OSBPL6: variants seen among roughly 807,000 people sequenced by gnomAD.
OSBPL6 encodes oxysterol-binding protein-related protein 6.
Under a neutral mutation model 125.8 loss-of-function variants are expected in OSBPL6, and 49 were observed. The observed-to-expected ratio is 0.39, with a 90% CI of 0.31 to 0.49. The LOEUF is 0.49. OSBPL6 is among the 20% of genes least tolerant of loss of function. The pLI is 0.88. For synonymous variants in OSBPL6, 394 were observed against 391.8 expected (o/e 1.01, Z -0.07); for missense variants, 986 against 1,135.4 (o/e 0.87, Z 1.89).
intron 17 of OSBPL6, among the ~76,000 whole-genome samples, 163 bp from the exon 18 acceptor site, chr2:178,383,876 T>C (rs763620208): frequency 6.6e-6 from 1 of 152,158 alleles, no homozygotes; most frequent in Non-Finnish European, 1.5e-5. Flanking sequence ...CCTATTTTTT[T>C]CCCCATGAGT....
chr2:178,292,058 A>G (rs537563234), intron 2 of OSBPL6, among the ~76,000 whole-genome samples: 115 of 152,076 alleles, frequency 7.6e-4, no homozygotes, highest in African/African-American at 2.5e-3. Flanking sequence ...GATTAAGCCT[A>G]GTACCCCTTA....
At chr2:178,316,618 C>A (rs1443256609) in intron 3 of OSBPL6, among the ~76,000 whole-genome samples, 1 of 152,094 alleles carries the variant, frequency 6.6e-6, no homozygotes, top group African/African-American at 2.4e-5. Context: ...TATGTAACTG[C>A]CGTGGATTGA....
intron 1 of OSBPL6, among the ~76,000 whole-genome samples, chr2:178,263,466 G>A (rs1190103908): frequency 1.3e-5 from 2 of 152,248 alleles, no homozygotes; most frequent in East Asian, 1.9e-4. Context: ...CAACAAAAGC[G>A]AAACTCAGTC....
At chr2:178,349,836 C>G (rs1691077589) in intron 12 of OSBPL6, among the ~76,000 whole-genome samples, 1 of 152,202 alleles carries the variant, frequency 6.6e-6, no homozygotes, top group South Asian at 2.1e-4. Context: ...TGCCAGATGT[C>G]TTTGACTAGC....
At chr2:178,388,971 C>T (rs1384199516) in intron 20 of OSBPL6, 38 bp from the exon 21 acceptor site, 1 of 1,603,090 alleles carries the variant, frequency 6.2e-7, no homozygotes, top group Non-Finnish European at 8.5e-7. Flanking sequence ...GTGTTTGTGA[C>T]CTTGGTTGTT....
intron 1 of OSBPL6, among the ~76,000 whole-genome samples, chr2:178,241,162 G>A (rs1433563652): frequency 6.7e-6 from 1 of 150,310 alleles, no homozygotes; most frequent in Non-Finnish European, 1.5e-5. Context: ...GGCAGTTTAA[G>A]CTCATATAGC....
intron 1 of OSBPL6, among the ~76,000 whole-genome samples, chr2:178,195,062 G>T (rs2088790081): frequency 6.6e-6 from 1 of 152,138 alleles, no homozygotes; most frequent in Non-Finnish European, 1.5e-5. Context: ...GCAGGGGCAG[G>T]GAGAAGGACT....
intron 1 of OSBPL6, among the ~76,000 whole-genome samples, chr2:178,283,861 A>T (rs560573683): frequency 6.6e-6 from 1 of 152,312 alleles, no homozygotes; most frequent in African/African-American, 2.4e-5. Flanking sequence ...GTTCTTTTTC[A>T]GCAATCAGTT....
intron 1 of OSBPL6, among the ~76,000 whole-genome samples, chr2:178,255,903 G>A (rs562953108): frequency 3.9e-4 from 59 of 152,272 alleles, no homozygotes; most frequent in South Asian, 8.3e-4. Flanking sequence ...AAAACGTTTG[G>A]TCCAGAATCA....
intron 11 of OSBPL6, among the ~76,000 whole-genome samples, chr2:178,348,018 C>T (rs1470246003): frequency 6.6e-6 from 1 of 152,210 alleles, no homozygotes; most frequent in Non-Finnish European, 1.5e-5. Flanking sequence ...CTGCCCTTAA[C>T]CTGCAGCTCA....
intron 15 of OSBPL6, among the ~76,000 whole-genome samples, chr2:178,380,291 T>G (rs1020932677): frequency 2.6e-5 from 4 of 151,164 alleles, no homozygotes; most frequent in Admixed American, 2.6e-4. Context: ...AAAAAAAAAT[T>G]TATTTTTTAA....
At chr2:178,360,062 G>A (rs544195278) in intron 12 of OSBPL6, among the ~76,000 whole-genome samples, 1 of 142,942 alleles carries the variant, frequency 7.0e-6, no homozygotes, top group South Asian at 2.5e-4. Flanking sequence ...TCCATCCTGG[G>A]TGACAAAGTG....
chr2:178,259,402 A>T (rs1465686976), intron 1 of OSBPL6, among the ~76,000 whole-genome samples: 1 of 152,156 alleles, frequency 6.6e-6, no homozygotes, highest in Non-Finnish European at 1.5e-5. Context: ...AGATTACTTA[A>T]TGGTTCAGTT....
chr2:178,287,481 C>A (rs535705845), intron 2 of OSBPL6, among the ~76,000 whole-genome samples: 1 of 152,316 alleles, frequency 6.6e-6, no homozygotes, highest in East Asian at 1.9e-4. Flanking sequence ...CAATACTTGA[C>A]AACATGCAGA....
intron 1 of OSBPL6, among the ~76,000 whole-genome samples, chr2:178,217,285 G>A (rs2090130414): frequency 6.6e-6 from 1 of 152,180 alleles, no homozygotes; most frequent in Non-Finnish European, 1.5e-5. Context: ...TATTTTTAAA[G>A]GTGATGAAAC....
chr2:178,332,875 A>G lies in OSBPL6; in HGVS notation c.491A>G (p.Lys164Arg). Residue 164 changes from lysine (K) to arginine (R), a missense_variant, in exon 8 of 25, where the codon AAA becomes AGA. By Grantham distance (26) the Lys-to-Arg change is conservative (BLOSUM62 2). Transcript: ENST00000190611. ...TEEHIYHLKV[K>R]SQDWFDAWVS... is the part of the protein sequence containing the mutation. Reference sequence around the variant, plus strand: ...TCCTCTCGTTCATTGTTTTAGGTGAAATCCCAGGACTGGTTTGATGCATGG... The same window carrying G: ...TCCTCTCGTTCATTGTTTTAGGTGAGATCCCAGGACTGGTTTGATGCATGG... 1 of 1,610,416 alleles carries G rather than the reference A, an allele frequency of 6.2e-7. No individual in the cohort carries two copies.
chr2:178,329,716 C>T (rs184060844), intron 5 of OSBPL6, among the ~76,000 whole-genome samples: 72 of 152,208 alleles, frequency 4.7e-4, no homozygotes, highest in Admixed American at 1.6e-3. Context: ...TGAGCCACCA[C>T]GTCAGTTTAA....
rs908127726 is a variant in OSBPL6 at position 178,397,350 on chromosome 2, A to G, written c.*1791A>G. 1 of 152,232 alleles carries G rather than the reference A, an allele frequency of 6.6e-6. No individual in the cohort carries two copies. The highest frequency in any genetic ancestry group is 2.4e-5 in the African/African-American group (1 of 41,462). 9.4% of individuals were successfully genotyped at this position (152,232 alleles called of 1,614,324 possible). ...CAGATCTAAGCATTCTGCTTCAACA[A>G]TACCCTCTCTATTCCTCTCATTCCC... On this transcript the variant is annotated 3_prime_UTR_variant, in exon 25 of 25. Coordinates refer to ENST00000190611, the MANE Select transcript of OSBPL6 (RefSeq NM_032523.4).
At chr2:178,351,530 A>G (rs1414271178) in intron 12 of OSBPL6, among the ~76,000 whole-genome samples, 1 of 152,218 alleles carries the variant, frequency 6.6e-6, no homozygotes, top group African/African-American at 2.4e-5. Context: ...CAAGGAGTTG[A>G]AAGACCTGTA....
Sources: allele counts gnomAD v4.1 joint callset (sites outside exome capture counted in the v4.1 genomes callset), GRCh38; gene constraint gnomAD v4.1.1; transcripts MANE v1.5; gene names NCBI Gene and HGNC (gene_info 2026-07-23, HGNC 2026-07-21).